Variants in PICK1 observed in about 807,000 individuals in gnomAD.
PICK1 encodes PRKCA-binding protein.
In PICK1, 23 loss-of-function variants were observed where a neutral mutation model predicts 48.9. The observed-to-expected ratio is 0.47, with a 90% CI of 0.34 to 0.67. The LOEUF (loss-of-function observed/expected upper bound fraction) is 0.67. Ranked by LOEUF, PICK1 falls within the 30% of genes least tolerant of loss-of-function variation. PICK1 has a pLI of 0.01. For synonymous variants in PICK1, 217 were observed against 228.2 expected, an observed-to-expected ratio of 0.95 and a Z score of 0.44; for missense variants, 423 against 557.1, an observed-to-expected ratio of 0.76 and a Z score of 2.42.
At chr22:38,059,151 A>G in intron 2 of PICK1, 83 bp from the exon 3 acceptor site, 1 of 934,094 alleles carries the variant, frequency 1.1e-6, no homozygotes, top group Non-Finnish European at 1.7e-6. Flanking sequence ...CAGCCAGTGG[A>G]GCCCCTCAGG....
rs769832952 is a variant in PICK1 at position 38,058,147 on chromosome 22, G to A, written c.41+297G>A. 7 of 475,102 alleles carry A rather than the reference G, an allele frequency of 1.5e-5. No homozygotes were observed. In the Admixed American group the frequency reaches 1.7e-4, roughly 11 times the overall value. 29.4% of individuals were successfully genotyped at this position (475,102 alleles called of 1,614,324 possible). ...GGTCAAGGAAAGCTTCATGGAGGAC[G>A]TAGCAATTGAACCAGGTTTTGAAGG... On this transcript the variant is annotated intron_variant, in intron 2 of 12. Coordinates refer to ENST00000356976, the MANE Select transcript of PICK1 (RefSeq NM_012407.4).
intron 2 of PICK1, among the ~76,000 whole-genome samples, chr22:38,058,723 G>A (rs1282674648): frequency 6.6e-6 from 1 of 152,172 alleles, no homozygotes; most frequent in Non-Finnish European, 1.5e-5. Context: ...TCCCATAGCT[G>A]GCCAGGCACG....
chr22:38,068,180 C>T, intron 5 of PICK1: 1 of 460,472 alleles, frequency 2.2e-6, no homozygotes, highest in Non-Finnish European at 4.4e-6. Context: ...TCCTCCCTGG[C>T]CTCTCCTGCC....
At chr22:38,061,265 C>T (rs558049092) in intron 3 of PICK1, among the ~76,000 whole-genome samples, 9 of 151,980 alleles carry the variant, frequency 5.9e-5, no homozygotes, top group South Asian at 2.1e-4. Flanking sequence ...CGCTTGAACC[C>T]GGGAGATGGT....
chr22:38,063,673 C>T (rs1268677040), intron 3 of PICK1, among the ~76,000 whole-genome samples: 6 of 140,882 alleles, frequency 4.3e-5, no homozygotes, highest in African/African-American at 1.6e-4. Context: ...GACAGTGTCT[C>T]ACTCTGTTGC....
In PICK1 at chr22:38,075,069, G is replaced by A. The variant is rs147432513; in HGVS notation, c.1185G>A (p.Pro395=). ...EEEEDTAAGE[P]SRDTRGAAGP... is the part of the protein sequence containing the mutation. ...AGGAAGACACGGCAGCTGGGGAGCC[G>A]TCCAGGGATACACGAGGGGCTGCTG... The change falls in exon 13 of 13, where the codon CCG becomes CCA. Residue 395 remains proline, a synonymous_variant. Transcript: ENST00000356976. The A allele has an allele frequency of 4.5e-5, 73 of 1,612,808 alleles. No individual in the cohort carries two copies. In the Middle Eastern group the frequency reaches 4.9e-4, roughly 11 times the overall value.
Position 38,075,200 on chromosome 22 carries a change from C to T in PICK1, c.*68C>T. The T allele has an allele frequency of 6.7e-7, 1 of 1,498,482 alleles. No individual in the cohort carries two copies. Among genetic ancestry groups the T allele is most frequent in the Non-Finnish European group, 9.0e-7 (1 of 1,113,476 alleles). 92.8% of individuals were successfully genotyped at this position (1,498,482 alleles called of 1,614,324 possible). ...ACGGAGCCTGGGAGCGGGGCGGGGC[C>T]GCCGCGCAAGGGGGCGACGCATAAA... On this transcript the variant is annotated 3_prime_UTR_variant, in exon 13 of 13. Transcript: ENST00000356976.
rs2085816965 is a variant in PICK1, at chr22:38,075,355, C to T, written c.*223C>T. ...CACTGGCCCCTCCACCCTCCCTCCC[C>T]TCCCGGCTCCCCGGCCAGAGGGAGA... On this transcript the variant is annotated 3_prime_UTR_variant, in exon 13 of 13. Transcript: ENST00000356976. 1 of 550,478 alleles carries T rather than the reference C, an allele frequency of 1.8e-6. No homozygotes were observed. The highest frequency in any genetic ancestry group is 3.2e-6 in the Non-Finnish European group (1 of 311,076). 34.1% of individuals were successfully genotyped at this position (550,478 alleles called of 1,614,324 possible).
chr22:38,068,200 C>T, intron 5 of PICK1: 1 of 451,660 alleles, frequency 2.2e-6, no homozygotes, highest in South Asian at 1.6e-5. Context: ...CATCAGCTCC[C>T]AGGGGGACTC....
rs1212154507 is a variant in PICK1, at chr22:38,069,179, G to C, written c.439+57G>C. The stretch of plus-strand genomic sequence containing the variant: ...GGGACTCAAGCCCAGGCTGAGAAGA[G>C]TGGGGGGCACCATGGCTGCCCACCA... On this transcript the variant is annotated intron_variant, in intron 6 of 12. Coordinates refer to ENST00000356976, the MANE Select transcript of PICK1 (RefSeq NM_012407.4). 9 of 1,280,460 alleles carry C rather than the reference G, an allele frequency of 7.0e-6. No homozygotes were observed. The South Asian group carries it at 8.8e-5, about 13-fold the overall frequency. The allele number at this position is 1,280,460 out of a possible 1,614,324, so 79.3% of individuals were successfully genotyped here.
intron 3 of PICK1, among the ~76,000 whole-genome samples, chr22:38,061,868 G>A (rs1256451827): frequency 6.6e-6 from 1 of 152,138 alleles, no homozygotes. Context: ...TATTGACTTT[G>A]CCTCGTCTGG....
rs1010550740 is a variant in PICK1, at chr22:38,057,426, T to C, written c.-219T>C. ...CGTGACAATCGCGGCCACCGCCAGGTGGAACGGCAGGTGGGTTCAGGTACC... is the reference window on the plus strand; with the variant it reads ...CGTGACAATCGCGGCCACCGCCAGGCGGAACGGCAGGTGGGTTCAGGTACC... On this transcript the variant is annotated 5_prime_UTR_variant, in exon 1 of 13. Coordinates refer to ENST00000356976, the MANE Select transcript of PICK1 (RefSeq NM_012407.4). 5 of 251,886 alleles carry C rather than the reference T, an allele frequency of 2.0e-5. No homozygotes were observed. Among genetic ancestry groups the C allele is most frequent in the African/African-American group, 1.1e-4 (5 of 45,314 alleles). 15.6% of individuals were successfully genotyped at this position (251,886 alleles called of 1,614,324 possible).
intron 3 of PICK1, among the ~76,000 whole-genome samples, chr22:38,063,907 T>C (rs1415559586): frequency 6.6e-6 from 1 of 152,212 alleles, no homozygotes; most frequent in Non-Finnish European, 1.5e-5. Flanking sequence ...AAGTTCAATT[T>C]GTTTATTTTT....
At position 38,072,487 on chromosome 22, in the gene PICK1, C is replaced by T. The variant is rs150100384; in HGVS notation, c.567C>T (p.Asp189=). Residue 189 remains aspartate, a synonymous_variant, in exon 9 of 13, where the codon GAC becomes GAT. Transcript: ENST00000356976. ...AAACTTGTCCTGCAGCCTTTGGGGACGTGTTCTCCGTGATCGGGGTGCGGG... is the reference window on the plus strand; with the variant it reads ...AAACTTGTCCTGCAGCCTTTGGGGATGTGTTCTCCGTGATCGGGGTGCGGG... ...ELSQTHRAFG[D]VFSVIGVREP... The T allele has an allele frequency of 2.4e-5, 38 of 1,613,122 alleles. No individual in the cohort carries two copies. The African/African-American group carries it at 2.9e-4, about 12-fold the overall frequency.
intron 9 of PICK1, 56 bp from the exon 10 acceptor site, chr22:38,072,944 G>C: frequency 1.7e-6 from 2 of 1,184,284 alleles, no homozygotes; most frequent in Non-Finnish European, 2.5e-6. Flanking sequence ...GCCATTCATT[G>C]TCACCCTGGC....
In PICK1 at chr22:38,074,347, A is replaced by T. The variant is rs1320421578; in HGVS notation, c.875A>T (p.Tyr292Phe). ...EPLYRVSTGN[Y>F]EYRLILRCRQ... ...CTTTACCGGGTGAGCACCGGCAACT[A>T]TGAGTACCGCCTGATCCTGCGCTGC... Residue 292 changes from tyrosine (Y) to phenylalanine (F), a missense_variant, in exon 12 of 13, where the codon TAT becomes TTT. Coordinates refer to ENST00000356976, the MANE Select transcript of PICK1 (RefSeq NM_012407.4). This position sits in a 1 kb window ranked among gnomAD's most constrained non-coding sequence, Gnocchi z 4.5. 6.2e-7 allele frequency: 1 copy of T among 1,612,640 alleles called. No homozygotes were observed. The highest frequency in any genetic ancestry group is 8.5e-7 in the Non-Finnish European group (1 of 1,179,858).
chr22:38,060,641 C>A (rs980085774), intron 3 of PICK1, among the ~76,000 whole-genome samples: 1 of 152,212 alleles, frequency 6.6e-6, no homozygotes, highest in African/African-American at 2.4e-5. Flanking sequence ...AGACCTCCCC[C>A]AGGCCTGGCC....
rs1352179352 is a variant in PICK1 at position 38,057,777 on chromosome 22, G to T, written c.-33G>T. On this transcript the variant is annotated 5_prime_UTR_variant, in exon 2 of 13. Transcript: ENST00000356976. ...GTTCCCCATTCCCCTACCGAGCTGGGCAGTTAGCCAGCCCACTCCAACTCT... is the reference window on the plus strand; with the variant it reads ...GTTCCCCATTCCCCTACCGAGCTGGTCAGTTAGCCAGCCCACTCCAACTCT... 6.2e-7 allele frequency: 1 copy of T among 1,607,536 alleles called. No individual in the cohort carries two copies. Among genetic ancestry groups the T allele is most frequent in the South Asian group, 1.1e-5 (1 of 90,944 alleles).
intron 3 of PICK1, among the ~76,000 whole-genome samples, chr22:38,063,030 A>G (rs958228675): frequency 6.6e-6 from 1 of 152,196 alleles, no homozygotes. Flanking sequence ...TTATTGTGCC[A>G]GATCCTCAGA....
Sources: allele counts gnomAD v4.1 joint callset (sites outside exome capture counted in the v4.1 genomes callset), GRCh38; gene constraint gnomAD v4.1.1; non-coding constraint Gnocchi (gnomAD v3.1); transcripts MANE v1.5; gene names NCBI Gene and HGNC (gene_info 2026-07-23, HGNC 2026-07-21).